Variants in DOCK2 observed in about 807,000 individuals in gnomAD.
The protein encoded by DOCK2 is dedicator of cytokinesis 2.
DOCK2 carries 87 observed loss-of-function variants against 248.9 expected under a neutral mutation model. The ratio of observed to expected loss-of-function variants is 0.35; its 90% CI spans 0.29 to 0.42. The LOEUF is 0.42. Among genes scored for constraint, DOCK2 ranks in the 10% least tolerant of loss-of-function variants. The pLI is 1.00. For synonymous variants in DOCK2, 805 were observed against 821.6 expected, an observed-to-expected ratio of 0.98 and a Z score of 0.35; for missense variants, 1,747 against 2,300.2, an observed-to-expected ratio of 0.76 and a Z score of 4.92.
intron 27 of DOCK2, among the ~76,000 whole-genome samples, chr5:169,876,830 C>G (rs1289060231): frequency 6.6e-6 from 1 of 152,216 alleles, no homozygotes; most frequent in Non-Finnish European, 1.5e-5. Flanking sequence ...ACAGCTGTCT[C>G]AAGTCCACTA....
chr5:169,790,971 T>G (rs1223054188), intron 25 of DOCK2, among the ~76,000 whole-genome samples: 1 of 152,170 alleles, frequency 6.6e-6, no homozygotes, highest in Non-Finnish European at 1.5e-5. Flanking sequence ...GAAACACACA[T>G]GCAGTTCTCC....
chr5:169,822,821 G>A (rs1328067563), intron 26 of DOCK2, among the ~76,000 whole-genome samples: 2 of 152,098 alleles, frequency 1.3e-5, no homozygotes, highest in African/African-American at 4.8e-5. Context: ...AAAAATCAAC[G>A]AATCCAGGAG....
At chr5:170,077,593 G>T in intron 47 of DOCK2, 117 bp from the exon 48 acceptor site, 1 of 1,456,664 alleles carries the variant, frequency 6.9e-7, no homozygotes. Flanking sequence ...CTTTTGTGCT[G>T]ATGCTCCACT....
At chr5:170,015,025 C>A (rs1463359984) in intron 32 of DOCK2, among the ~76,000 whole-genome samples, 1 of 152,148 alleles carries the variant, frequency 6.6e-6, no homozygotes, top group Non-Finnish European at 1.5e-5. Flanking sequence ...CAGCTGTTTG[C>A]TTTAAAAGTG....
chr5:169,738,125 T>G lies in DOCK2; in HGVS notation c.2268-9271T>G, dbSNP rs76684540. ...TTCATTGCTTGCTTGGTGGTGGGGA[T>G]AGACTCTCGCACATTTGTTACAGAT... On this transcript the variant is annotated intron_variant, in intron 22 of 51. Transcript: ENST00000520908. Among the ~76,000 whole-genome samples the G allele has an allele frequency of 4.8e-3, 734 of 152,288 alleles. 8 individuals are homozygous for G. The highest frequency in any genetic ancestry group is 0.017 in the African/African-American group (705 of 41,582).
At chr5:169,778,559 G>A (rs906006087) in intron 25 of DOCK2, among the ~76,000 whole-genome samples, 2 of 152,210 alleles carry the variant, frequency 1.3e-5, no homozygotes, top group Admixed American at 6.5e-5. Context: ...CCTTAGCCCT[G>A]TCTAACTTTC....
At chr5:169,654,305 G>A (rs1055901260) in intron 1 of DOCK2, 98 bp from the exon 2 acceptor site, 16 of 1,365,488 alleles carry the variant, frequency 1.2e-5, no homozygotes, top group East Asian at 2.3e-5. Flanking sequence ...GGTGGGCTGC[G>A]TGGGCATGGG....
chr5:169,949,479 A>C (rs1365869226), intron 27 of DOCK2, among the ~76,000 whole-genome samples: 1 of 152,058 alleles, frequency 6.6e-6, no homozygotes, highest in Admixed American at 6.5e-5. Flanking sequence ...GAATCAATGA[A>C]AAGTGAGAAA....
chr5:169,705,936 T>C (rs1761234675), intron 14 of DOCK2, among the ~76,000 whole-genome samples: 1 of 152,246 alleles, frequency 6.6e-6, no homozygotes, highest in Non-Finnish European at 1.5e-5. Flanking sequence ...TATGAGGGGC[T>C]CTCACTGTTA....
At chr5:170,030,931 A>G (rs1756112676) in intron 34 of DOCK2, among the ~76,000 whole-genome samples, 1 of 152,208 alleles carries the variant, frequency 6.6e-6, no homozygotes, top group Non-Finnish European at 1.5e-5. Context: ...TGGCAACTGC[A>G]GCCTTGCATA....
At chr5:169,985,528 T>C (rs1778046290) in intron 28 of DOCK2, among the ~76,000 whole-genome samples, 3 of 152,214 alleles carry the variant, frequency 2.0e-5, no homozygotes, top group Admixed American at 2.0e-4. Context: ...TACATATTTG[T>C]GAAAATGATT....
chr5:169,893,317 A>T (rs1773404922), intron 27 of DOCK2, among the ~76,000 whole-genome samples: 3 of 152,204 alleles, frequency 2.0e-5, no homozygotes, highest in African/African-American at 7.2e-5. Context: ...TACTACCACC[A>T]GATGCAACTG....
At chr5:169,834,099 G>A (rs1396132639) in intron 26 of DOCK2, among the ~76,000 whole-genome samples, 1 of 147,068 alleles carries the variant, frequency 6.8e-6, no homozygotes, top group Non-Finnish European at 1.5e-5. Context: ...CAGACCACAA[G>A]TCCTACTCAC....
intron 33 of DOCK2, among the ~76,000 whole-genome samples, chr5:170,027,595 T>A (rs1226597807): frequency 6.6e-6 from 1 of 152,082 alleles, no homozygotes; most frequent in Non-Finnish European, 1.5e-5. Flanking sequence ...CTGACTCTCC[T>A]CCCTCTCTCC....
At chr5:169,983,514 G>T (rs1472653001) in intron 28 of DOCK2, among the ~76,000 whole-genome samples, 1 of 152,214 alleles carries the variant, frequency 6.6e-6, no homozygotes, top group African/African-American at 2.4e-5. Flanking sequence ...TAAGTGCTCA[G>T]TAAAATATAG....
rs1426323266 is a variant in DOCK2 at position 169,695,800 on chromosome 5, C to CA, written c.844-2dup. The CA allele has an allele frequency of 6.2e-7, 1 of 1,613,136 alleles. No individual in the cohort carries two copies. The highest frequency in any genetic ancestry group is 1.1e-5 in the South Asian group (1 of 90,852). On this transcript the variant is annotated splice_region_variant and splice_polypyrimidine_tract_variant and intron_variant, in intron 9 of 51. Transcript: ENST00000520908. ...GGTCAATTTTTTGTTTCTTTCCCCC[C>CA]AGGATCTTGGAAACAAAGACCTCAA...
intron 40 of DOCK2, 30 bp downstream of exon 40, chr5:170,047,644 C>A (rs767994663): frequency 6.3e-7 from 1 of 1,599,314 alleles, no homozygotes; most frequent in East Asian, 2.2e-5. Context: ...GGACACCAGG[C>A]GAGAGCCCCA....
At chr5:169,992,160 C>T (rs778054678) in intron 29 of DOCK2, among the ~76,000 whole-genome samples, 1 of 152,126 alleles carries the variant, frequency 6.6e-6, no homozygotes, top group African/African-American at 2.4e-5. Flanking sequence ...CCTAAACTCA[C>T]GTCTCTAAAG....
At chr5:169,987,944 CT>C (rs1302101555) in intron 29 of DOCK2, among the ~76,000 whole-genome samples, 1 of 152,162 alleles carries the variant, frequency 6.6e-6, no homozygotes, top group African/African-American at 2.4e-5. Flanking sequence ...GTTTCCTAGT[CT>C]GTAAAATGGG....
Sources: gnomAD v4.1 joint callset for allele counts (sites outside exome capture counted in the v4.1 genomes callset) on GRCh38, gnomAD v4.1.1 for gene constraint, MANE v1.5 for transcripts, NCBI Gene and HGNC (gene_info 2026-07-23, HGNC 2026-07-21) for gene names.